Variants in LRGUK observed in about 807,000 individuals in gnomAD.
LRGUK encodes leucine rich repeats and guanylate kinase domain containing.
Under a neutral mutation model 76.0 loss-of-function variants are expected in LRGUK, and 65 were observed. The ratio of observed to expected loss-of-function variants is 0.85; its 90% CI spans 0.70 to 1.05. The LOEUF (loss-of-function observed/expected upper bound fraction) is 1.05. Among genes scored for constraint, LRGUK ranks in the 50% least tolerant of loss-of-function variants. The pLI, the probability that LRGUK is intolerant of heterozygous loss-of-function variation, is 0.00. For synonymous variants in LRGUK, 268 were observed against 265.6 expected (o/e 1.01, Z -0.09); for missense variants, 758 against 732.8 (o/e 1.03, Z -0.40).
In LRGUK at chr7:134,177,826, T is replaced by C. The variant is rs141637217; in HGVS notation, c.1108-677T>C. Among the ~76,000 whole-genome samples, 338 of 152,354 alleles carry C rather than the reference T, an allele frequency of 2.2e-3. 3 individuals are homozygous for C. The highest frequency in any genetic ancestry group is 7.8e-3 in the African/African-American group (323 of 41,578). On this transcript the variant is annotated intron_variant, in intron 9 of 15. Transcript: ENST00000645682. Reference sequence around the variant, plus strand: ...TTATTCTCACACTCAAAGGTACTTATTAGATTCCTCTTTTCCTTTAACATT... The same window carrying C: ...TTATTCTCACACTCAAAGGTACTTACTAGATTCCTCTTTTCCTTTAACATT...
At chr7:134,260,805 G>A (rs560148446) in intron 19 of LRGUK, among the ~76,000 whole-genome samples, 12 of 152,202 alleles carry the variant, frequency 7.9e-5, no homozygotes, top group African/African-American at 2.9e-4. Context: ...TGCCTGTTTG[G>A]GCCATTTGAA....
chr7:134,178,434 A>G (rs1799576914), intron 9 of LRGUK, 69 bp from the exon 10 acceptor site: 1 of 1,216,754 alleles, frequency 8.2e-7, no homozygotes, highest in African/African-American at 1.5e-5. Flanking sequence ...ATTAAGGAAA[A>G]ATCCAAGCTT....
chr7:134,242,031 G>C (rs1802169897), intron 16 of LRGUK, among the ~76,000 whole-genome samples: 3 of 152,014 alleles, frequency 2.0e-5, no homozygotes, highest in Admixed American at 6.6e-5. Flanking sequence ...CAACATACCA[G>C]AATCTGGGAC....
exon 14 of LRGUK, chr7:134,199,332 C>A: frequency 6.2e-7 from 1 of 1,613,696 alleles, no homozygotes; most frequent in East Asian, 2.2e-5. Context: ...TTCAGTCGTG[C>A]AGAAATTGAA....
chr7:134,201,431 CT>C, intron 14 of LRGUK, 49 bp from the exon 15 acceptor site: 1 of 1,356,342 alleles, frequency 7.4e-7, no homozygotes, highest in Non-Finnish European at 1.1e-6. Context: ...TGAACATCAA[CT>C]GTATTGGATG....
chr7:134,156,069 ACTCT>A (rs1055925611), intron 5 of LRGUK, among the ~76,000 whole-genome samples: 9 of 152,150 alleles, frequency 5.9e-5, no homozygotes, highest in African/African-American at 2.2e-4. Context: ...ATCATAATGA[ACTCT>A]CTCAGTAGTA....
exon 1 of LRGUK, chr7:134,127,481 T>C: frequency 1.2e-6 from 2 of 1,613,972 alleles, no homozygotes; most frequent in Non-Finnish European, 1.7e-6. Context: ...AAAAAGAGCG[T>C]CAGCCTTGCT....
intron 7 of LRGUK, among the ~76,000 whole-genome samples, chr7:134,169,217 G>T (rs1011379454): frequency 8.6e-5 from 13 of 151,090 alleles, no homozygotes; most frequent in African/African-American, 2.9e-4. Context: ...AGAAGACCCA[G>T]GTGAAGATGG....
intron 16 of LRGUK, among the ~76,000 whole-genome samples, chr7:134,246,878 G>A (rs1327798266): frequency 6.6e-6 from 1 of 152,184 alleles, no homozygotes; most frequent in African/African-American, 2.4e-5. Flanking sequence ...AGGAAATCCA[G>A]TACCTGGACA....
At chr7:134,243,167 C>T (rs1236734162) in intron 16 of LRGUK, among the ~76,000 whole-genome samples, 1 of 152,168 alleles carries the variant, frequency 6.6e-6, no homozygotes, top group African/African-American at 2.4e-5. Context: ...CCTCTCTCAC[C>T]ACTCCTATTC....
intron 7 of LRGUK, among the ~76,000 whole-genome samples, chr7:134,173,564 C>T (rs1799348190): frequency 1.3e-5 from 2 of 151,886 alleles, no homozygotes; most frequent in Admixed American, 6.6e-5. Context: ...TCAGGCCTGC[C>T]GCAATCCAAG....
rs760770634 is a variant in LRGUK at position 134,221,761 on chromosome 7, AT to A, written c.1844-9del. On this transcript the variant is annotated splice_polypyrimidine_tract_variant and intron_variant, in intron 15 of 19. Transcript: ENST00000285928. Reference sequence around the variant, plus strand: ...CTTTATGACTTTTATTTTAAACTTTATTTTTTTTTCCTACCAGATGTTAAGA... The same window carrying A: ...CTTTATGACTTTTATTTTAAACTTTATTTTTTTTCCTACCAGATGTTAAGA... 1.8e-4 allele frequency: 258 copies of A among 1,448,666 alleles called. No homozygotes were observed. The highest frequency in any genetic ancestry group is 8.3e-4 in the East Asian group (32 of 38,548). 89.7% of individuals were successfully genotyped at this position (1,448,666 alleles called of 1,614,324 possible). A position where few individuals can be genotyped will look rare whatever the true frequency, so the allele number is the denominator to read the frequency against.
intron 9 of LRGUK, among the ~76,000 whole-genome samples, chr7:134,178,174 A>G (rs926137148): frequency 2.0e-5 from 3 of 152,170 alleles, no homozygotes; most frequent in Non-Finnish European, 4.4e-5. Context: ...CAAAGTAATC[A>G]TGGGCTTTAG....
intron 16 of LRGUK, among the ~76,000 whole-genome samples, chr7:134,244,224 C>T (rs1802237026): frequency 6.6e-6 from 1 of 152,116 alleles, no homozygotes; most frequent in Non-Finnish European, 1.5e-5. Context: ...AACTAAAGAG[C>T]TTCTGCACAG....
intron 16 of LRGUK, among the ~76,000 whole-genome samples, chr7:134,227,599 A>G (rs1801795336): frequency 6.6e-6 from 1 of 152,208 alleles, no homozygotes; most frequent in Admixed American, 6.5e-5. Context: ...CATTAAATAC[A>G]TATTTTGAAG....
chr7:134,253,477 TC>T, intron 18 of LRGUK, among the ~76,000 whole-genome samples: 1 of 152,190 alleles, frequency 6.6e-6, no homozygotes, highest in East Asian at 1.9e-4. Context: ...GTTAAGTTCT[TC>T]CGTATCATAG....
intron 11 of LRGUK, among the ~76,000 whole-genome samples, chr7:134,189,602 A>G (rs1222116331): frequency 1.3e-5 from 2 of 152,180 alleles, no homozygotes. Flanking sequence ...TCTTTGAGGT[A>G]TTCAGAAGAA....
At chr7:134,169,052 G>T (rs1236853818) in intron 7 of LRGUK, among the ~76,000 whole-genome samples, 1 of 151,948 alleles carries the variant, frequency 6.6e-6, no homozygotes, top group Admixed American at 6.6e-5. Context: ...ATGTAATCAA[G>T]TTCAGGATCT....
rs543555854 is a variant in LRGUK at position 134,155,165 on chromosome 7, T to A, written c.671-2870T>A. ...GCCATTCGAAGTTTTCCTTGCATAG[T>A]TTTTGTTGCCAAAGATTGCCTGCTC... On this transcript the variant is annotated intron_variant, in intron 5 of 15. Transcript: ENST00000645682. Among the ~76,000 whole-genome samples the A allele has an allele frequency of 1.7e-4, 26 of 152,330 alleles. No individual in the cohort carries two copies. In the South Asian group the frequency reaches 5.4e-3, roughly 32 times the overall value.
Sources: allele counts gnomAD v4.1 joint callset (sites outside exome capture counted in the v4.1 genomes callset), GRCh38; gene constraint gnomAD v4.1.1; transcripts MANE v1.5; gene names NCBI Gene and HGNC (gene_info 2026-07-23, HGNC 2026-07-21).